Variants in USP43 observed in about 807,000 individuals in gnomAD.
The protein encoded by USP43 is ubiquitin carboxyl-terminal hydrolase 43.
Under a neutral mutation model 90.7 loss-of-function variants are expected in USP43, and 33 were observed. That is an observed-to-expected ratio of 0.36 (90% confidence interval 0.28 to 0.49). The LOEUF (loss-of-function observed/expected upper bound fraction) is 0.49. Ranked by LOEUF, USP43 falls within the 20% of genes least tolerant of loss-of-function variation. USP43 has a pLI of 0.98. For synonymous variants in USP43, 598 were observed against 615.8 expected, an observed-to-expected ratio of 0.97 and a Z score of 0.43; for missense variants, 1,274 against 1,476.4, an observed-to-expected ratio of 0.86 and a Z score of 2.25.
chr17:9,722,713 A>G (rs968241334), intron 14 of USP43, among the ~76,000 whole-genome samples: 5 of 152,142 alleles, frequency 3.3e-5, no homozygotes, highest in African/African-American at 1.2e-4. Context: ...GAAATATATA[A>G]CACATCTGTT....
chr17:9,714,260 G>C (rs1378644101), intron 14 of USP43, among the ~76,000 whole-genome samples: 1 of 152,174 alleles, frequency 6.6e-6, no homozygotes, highest in East Asian at 1.9e-4. Context: ...CACAGCCCAG[G>C]GGTTGGGGGA....
Position 9,693,997 on chromosome 17 carries a change from C to G in USP43, c.1457+767C>G, listed in dbSNP as rs548380004. ...TGTGGAGTGTGCCTGAGGCTTAAAG[C>G]CAGTGTGGCTGTGTCTCTGGTAGCT... is the stretch of plus-strand genomic sequence containing the variant. On this transcript the variant is annotated intron_variant, in intron 9 of 14. Transcript: ENST00000285199. Among the ~76,000 whole-genome samples, 6 of 152,304 alleles carry G rather than the reference C, an allele frequency of 3.9e-5. No homozygotes were observed. In the East Asian group the frequency reaches 1.2e-3, roughly 29 times the overall value.
At chr17:9,693,325 A>G (rs779860377) in intron 9 of USP43, 95 bp downstream of exon 9, 22 of 1,055,068 alleles carry the variant, frequency 2.1e-5, no homozygotes, top group East Asian at 5.2e-5. Context: ...TGCTCATAGT[A>G]TTTGTTATTC....
chr17:9,718,088 G>A (rs1597892383), intron 14 of USP43, among the ~76,000 whole-genome samples: 5 of 151,924 alleles, frequency 3.3e-5, no homozygotes, highest in East Asian at 3.9e-4. Context: ...GAGCCACCGC[G>A]CCCAGCCGTA....
intron 2 of USP43, among the ~76,000 whole-genome samples, chr17:9,665,595 G>A (rs1033651196): frequency 9.2e-5 from 14 of 152,146 alleles, no homozygotes; most frequent in Admixed American, 8.5e-4. Context: ...TGGGGATTGT[G>A]GGGATTACAA....
chr17:9,667,477 T>C (rs1179024952), intron 3 of USP43, among the ~76,000 whole-genome samples: 5 of 152,232 alleles, frequency 3.3e-5, no homozygotes, highest in Admixed American at 2.0e-4. Flanking sequence ...CTCTTTGAGC[T>C]TTTATATGTG....
At chr17:9,700,893 A>G (rs148583364) in intron 10 of USP43, among the ~76,000 whole-genome samples, 3,554 of 152,316 alleles carry the variant, frequency 0.023, 103 homozygotes, top group African/African-American at 0.07. Flanking sequence ...ACAAAGATGA[A>G]TAAGCCAAGG....
chr17:9,648,723 C>T (rs1215040368), intron 1 of USP43, among the ~76,000 whole-genome samples: 2 of 151,926 alleles, frequency 1.3e-5, no homozygotes, highest in Non-Finnish European at 2.9e-5. Flanking sequence ...GAGGTGGGGC[C>T]GAGAGACCTT....
At chr17:9,710,169 TG>T in intron 13 of USP43, 55 bp downstream of exon 13, 2 of 1,373,130 alleles carry the variant, frequency 1.5e-6, no homozygotes, top group Admixed American at 2.9e-5. Context: ...CTTTAAGAAC[TG>T]GGAAGAGGCT....
In USP43 at chr17:9,682,718, G is replaced by GT. The variant is rs1455758249; in HGVS notation, c.1106-103dup. The GT allele has an allele frequency of 9.0e-6, 13 of 1,447,646 alleles. No homozygotes were observed. The Admixed American group carries it at 2.7e-4, about 30-fold the overall frequency. 89.7% of individuals were successfully genotyped at this position (1,447,646 alleles called of 1,614,324 possible). A position where few individuals can be genotyped will look rare whatever the true frequency, so the allele number is the denominator to read the frequency against. On this transcript the variant is annotated intron_variant, in intron 6 of 14. Coordinates refer to ENST00000285199, the MANE Select transcript of USP43 (RefSeq NM_153210.5). ...GCCCTCTAGTGGCCCCCCATTGGTG[G>GT]TTAATAGATGCTCAAAGAGAAAGAG...
Position 9,701,903 on chromosome 17 carries a change from A to G in USP43, c.2011+203A>G, listed in dbSNP as rs1197240665. On this transcript the variant is annotated intron_variant, in intron 12 of 14. Transcript: ENST00000285199. The surrounding 1 kb of genome is among the most constrained non-coding windows in gnomAD (Gnocchi z 7.2). ...TGCCCTGTAGGAGCTGGTGGGGGAGAGAGAATTCCAGTAAAATATAGTGCT... is the reference window on the plus strand; with the variant it reads ...TGCCCTGTAGGAGCTGGTGGGGGAGGGAGAATTCCAGTAAAATATAGTGCT... Among the ~76,000 whole-genome samples, 1 of 152,160 alleles carries G rather than the reference A, an allele frequency of 6.6e-6. No individual in the cohort carries two copies. The highest frequency in any genetic ancestry group is 2.4e-5 in the African/African-American group (1 of 41,448).
chr17:9,681,179 A>ATT (rs1326493247), intron 6 of USP43, among the ~76,000 whole-genome samples: 9 of 57,752 alleles, frequency 1.6e-4, no homozygotes, highest in African/African-American at 8.0e-4. Context: ...TATACTATAT[A>ATT]ATATACTATA....
chr17:9,724,236 A>G (rs1917130396), intron 14 of USP43, among the ~76,000 whole-genome samples: 1 of 152,018 alleles, frequency 6.6e-6, no homozygotes, highest in Admixed American at 6.6e-5. Context: ...TCAGTCTTGG[A>G]GATGGAGAAG....
chr17:9,668,497 A>G (rs376378586), intron 3 of USP43, among the ~76,000 whole-genome samples: 115 of 152,258 alleles, frequency 7.6e-4, no homozygotes, highest in African/African-American at 2.5e-3. Context: ...GGAAGACCAA[A>G]TAGTCTTTGA....
chr17:9,680,794 G>T (rs2151975783), intron 6 of USP43, among the ~76,000 whole-genome samples: 1 of 152,058 alleles, frequency 6.6e-6, no homozygotes, highest in South Asian at 2.1e-4. Flanking sequence ...CAAGATTTGT[G>T]TGTGAAGTAA....
At chr17:9,688,151 A>G (rs1246804683) in intron 8 of USP43, among the ~76,000 whole-genome samples, 1 of 151,246 alleles carries the variant, frequency 6.6e-6, no homozygotes, top group Non-Finnish European at 1.5e-5. Context: ...ACGCCCAGCT[A>G]ACTTTTTTGT....
At position 9,671,046 on chromosome 17, in the gene USP43, G is replaced by A. The variant is rs1913385508; in HGVS notation, c.741-3845G>A. Among the ~76,000 whole-genome samples the A allele has an allele frequency of 2.0e-5, 3 of 152,172 alleles. No individual in the cohort carries two copies. In the South Asian group the frequency reaches 6.2e-4, roughly 32 times the overall value. On this transcript the variant is annotated intron_variant, in intron 3 of 14. Coordinates refer to ENST00000285199, the MANE Select transcript of USP43 (RefSeq NM_153210.5). ...GCCTTCTTGATGTAATTGAGAGATG[G>A]ATGTTATTATGGGTTAATTCAGAGG...
At chr17:9,663,914 T>C (rs1047195358) in intron 2 of USP43, among the ~76,000 whole-genome samples, 6 of 152,210 alleles carry the variant, frequency 3.9e-5, no homozygotes, top group Non-Finnish European at 8.8e-5. Flanking sequence ...TGTCAGCCAC[T>C]GTGCCCAGCC....
At position 9,686,949 on chromosome 17, in the gene USP43, G is replaced by T; in HGVS notation, c.1353+40G>T. ...TGCGTGTGTGTGTGTGTGCGTGCAT[G>T]CGCATGTGCATGCGTGTGTGTGGGT... On this transcript the variant is annotated intron_variant, in intron 8 of 14. Transcript: ENST00000285199. The surrounding 1 kb of genome is among the most constrained non-coding windows in gnomAD (Gnocchi z 5.5). 1 of 1,566,272 alleles carries T rather than the reference G, an allele frequency of 6.4e-7. No homozygotes were observed.
Sources: gnomAD v4.1 joint callset for allele counts (sites outside exome capture counted in the v4.1 genomes callset) on GRCh38, gnomAD v4.1.1 for gene constraint, Gnocchi (gnomAD v3.1) non-coding constraint, MANE v1.5 for transcripts, NCBI Gene and HGNC (gene_info 2026-07-23, HGNC 2026-07-21) for gene names.